Variants in AKAP8L observed in about 807,000 individuals in gnomAD.
The protein encoded by AKAP8L is A-kinase anchoring protein 8 like.
In AKAP8L, 34 loss-of-function variants were observed where a neutral mutation model predicts 77.5. That is an observed-to-expected ratio of 0.44 (90% CI 0.33 to 0.58). The LOEUF (loss-of-function observed/expected upper bound fraction) is 0.58. Among genes scored for constraint, AKAP8L ranks in the 20% least tolerant of loss-of-function variants. AKAP8L has a pLI of 0.02. For synonymous variants in AKAP8L, 342 were observed against 340.7 expected (o/e 1.00, Z -0.04); for missense variants, 806 against 887.6 (o/e 0.91, Z 1.17).
At position 15,395,983 on chromosome 19, in the gene AKAP8L, CAAAAA is replaced by C. The variant is rs751904092; in HGVS notation, c.1536+1162_1536+1166del. Among the ~76,000 whole-genome samples the C allele has an allele frequency of 2.2e-3, 90 of 40,510 alleles. 2 individuals are homozygous for C. The South Asian group carries it at 0.059, about 27-fold the overall frequency. 26.6% of individuals were successfully genotyped at this position (40,510 alleles called of 152,430 possible). On this transcript the variant is annotated intron_variant, in intron 12 of 13. Transcript: ENST00000397410. The stretch of plus-strand genomic sequence containing the variant: ...TGGGCGACAGAGCGAGACTCCGTCT[CAAAAA>C]AAAAAAAAAAAAAAGAATCTGTTTT...
chr19:15,393,351 A>G (rs1184550622), intron 12 of AKAP8L, among the ~76,000 whole-genome samples: 1 of 152,322 alleles, frequency 6.6e-6, no homozygotes, highest in African/African-American at 2.4e-5. Flanking sequence ...AAAAATTAAA[A>G]CTATTGTGCT....
chr19:15,391,399 A>G (rs1282148066), intron 12 of AKAP8L, among the ~76,000 whole-genome samples: 3 of 115,712 alleles, frequency 2.6e-5, no homozygotes, highest in African/African-American at 9.8e-5. Flanking sequence ...TGGAGGTTGC[A>G]GTGAGCCGAG....
chr19:15,398,017 T>A lies in AKAP8L; in HGVS notation c.1158-162A>T. ...AGGCTGGGACCAGTGGGGTCGGGAGTAGAAAGGGCCAGAAAGTCTGCAGGC... is the reference window on the plus strand; with the variant it reads ...AGGCTGGGACCAGTGGGGTCGGGAGAAGAAAGGGCCAGAAAGTCTGCAGGC... On this transcript the variant is annotated intron_variant, in intron 9 of 13. Transcript: ENST00000397410. This position sits in a 1 kb window ranked among gnomAD's most constrained non-coding sequence, Gnocchi z 9.2. The A allele has an allele frequency of 1.2e-6, 1 of 814,772 alleles. No individual in the cohort carries two copies. Among genetic ancestry groups the A allele is most frequent in the African/African-American group, 1.8e-5 (1 of 57,080 alleles). The allele number at this position is 814,772 out of a possible 1,614,324, so 50.5% of individuals were successfully genotyped here. A position where few individuals can be genotyped will look rare whatever the true frequency, so the allele number is the denominator to read the frequency against.
Position 15,397,045 on chromosome 19 carries a change from C to A in AKAP8L, c.1536+105G>T. 6.7e-7 allele frequency: 1 copy of A among 1,499,532 alleles called. No individual in the cohort carries two copies. 92.9% of individuals were successfully genotyped at this position (1,499,532 alleles called of 1,614,324 possible). A position where few individuals can be genotyped will look rare whatever the true frequency, so the allele number is the denominator to read the frequency against. On this transcript the variant is annotated intron_variant, in intron 12 of 13. Coordinates refer to ENST00000397410, the MANE Select transcript of AKAP8L (RefSeq NM_014371.4). This position sits in a 1 kb window ranked among gnomAD's most constrained non-coding sequence, Gnocchi z 4.7. ...GTCCATATCCACCTCCTCCTGCCTC[C>A]ACTGCAGTCCCTCACGGGCTGGCAG...
In AKAP8L at chr19:15,399,994, C is replaced by T. The variant is rs1387193954; in HGVS notation, c.1048+301G>A. On this transcript the variant is annotated intron_variant, in intron 8 of 13. Coordinates refer to ENST00000397410, the MANE Select transcript of AKAP8L (RefSeq NM_014371.4). The surrounding 1 kb of genome is among the most constrained non-coding windows in gnomAD (Gnocchi z 6.1). ...TTGGAACTGCGCGTTACTGAGGGAC[C>T]GAGGGCAGGGGGCGTGCCTGGGGTT... 2 of 505,940 alleles carry T rather than the reference C, an allele frequency of 4.0e-6. No homozygotes were observed. Among genetic ancestry groups the T allele is most frequent in the South Asian group, 2.4e-5 (1 of 41,384 alleles). 31.3% of individuals were successfully genotyped at this position (505,940 alleles called of 1,614,324 possible).
chr19:15,380,521 A>G lies in AKAP8L; in HGVS notation c.1628T>C (p.Leu543Pro), dbSNP rs1183842500. ...AGGCCCGGACCAGTGCCTCACCTTC[A>G]GGTAGCGCTCCAGCTTCTTGCTGAT... ...KLISKKLERY[L>P]KGENPFTDSP... Residue 543 changes from leucine (L) to proline (P), a missense_variant, in exon 13 of 14, where the codon CTG becomes CCG. By Grantham distance (98) the Leu-to-Pro change is moderately conservative. This residue lies in a region of AKAP8L where 226 missense variants were observed against 193.5 expected (regional missense o/e 1.17). Coordinates refer to ENST00000397410, the MANE Select transcript of AKAP8L (RefSeq NM_014371.4). 1 of 1,613,890 alleles carries G rather than the reference A, an allele frequency of 6.2e-7. No homozygotes were observed. The highest frequency in any genetic ancestry group is 1.1e-5 in the South Asian group (1 of 91,074).
rs149593511 is a variant in AKAP8L, at chr19:15,397,647, A to G, written c.1300-22T>C. The G allele has an allele frequency of 9.8e-3, 15,755 of 1,613,774 alleles. 101 individuals carry two copies. Among genetic ancestry groups the G allele is most frequent in the Middle Eastern group, 0.016 (95 of 6,058 alleles). Reference sequence around the variant, plus strand: ...ACTCCTGCAAGGAATATAAAGGTTCATGTGGGCCGCCTTATGTTCTCAGGG... The same window carrying G: ...ACTCCTGCAAGGAATATAAAGGTTCGTGTGGGCCGCCTTATGTTCTCAGGG... On this transcript the variant is annotated intron_variant, in intron 10 of 13. Transcript: ENST00000397410. The surrounding 1 kb of genome is among the most constrained non-coding windows in gnomAD (Gnocchi z 4.7).
chr19:15,397,656 G>T lies in AKAP8L; in HGVS notation c.1300-31C>A. ...AGGAATATAAAGGTTCATGTGGGCCGCCTTATGTTCTCAGGGGTCCAAGAA... is the reference window on the plus strand; with the variant it reads ...AGGAATATAAAGGTTCATGTGGGCCTCCTTATGTTCTCAGGGGTCCAAGAA... On this transcript the variant is annotated intron_variant, in intron 10 of 13. Transcript: ENST00000397410. This position sits in a 1 kb window ranked among gnomAD's most constrained non-coding sequence, Gnocchi z 4.7. 1 of 1,613,834 alleles carries T rather than the reference G, an allele frequency of 6.2e-7. No homozygotes were observed. Among genetic ancestry groups the T allele is most frequent in the Middle Eastern group, 1.7e-4 (1 of 6,048 alleles).
Position 15,385,326 on chromosome 19 carries a change from C to T in AKAP8L, c.1537-4714G>A, listed in dbSNP as rs190731821. The stretch of plus-strand genomic sequence containing the variant: ...CCTCCCGAGTAGCTGGGACTACAGG[C>T]GCCCGCCACCACGTCTGGCTAATTT... On this transcript the variant is annotated intron_variant, in intron 12 of 13. Transcript: ENST00000397410. 4.6e-4 allele frequency among the ~76,000 whole-genome samples: 69 copies of T among 151,432 alleles called. 1 individual carries two copies. In the East Asian group the frequency reaches 0.012, roughly 27 times the overall value.
At chr19:15,395,787 A>G (rs1461453548) in intron 12 of AKAP8L, among the ~76,000 whole-genome samples, 1 of 144,250 alleles carries the variant, frequency 6.9e-6, no homozygotes, top group East Asian at 2.1e-4. Context: ...GATCGAGACC[A>G]TCCTGGCTAA....
intron 12 of AKAP8L, among the ~76,000 whole-genome samples, chr19:15,392,887 ACT>A (rs1182626611): frequency 1.3e-5 from 2 of 150,826 alleles, no homozygotes; most frequent in Admixed American, 6.6e-5. Context: ...CAAGAGCAAA[ACT>A]CTGTCTCAAA....
Position 15,383,832 on chromosome 19 carries a change from A to G in AKAP8L, c.1537-3220T>C, listed in dbSNP as rs780688372. On this transcript the variant is annotated intron_variant, in intron 12 of 13. Transcript: ENST00000397410. ...ATTTTTGACTAGAAATGTGCTGTCT[A>G]TATTAATTTGGAGAGAACTGGTTTT... The G allele has an allele frequency of 2.6e-5, 4 of 151,958 alleles. No homozygotes were observed. The East Asian group carries it at 5.8e-4, about 22-fold the overall frequency. The allele number at this position is 151,958 out of a possible 1,614,324, so 9.4% of individuals were successfully genotyped here. A position where few individuals can be genotyped will look rare whatever the true frequency, so the allele number is the denominator to read the frequency against.
rs1331836091 is a variant in AKAP8L, at chr19:15,380,248, C to CGGCGGT, written c.1809_1814dup (p.Pro607_Pro608dup). The CGGCGGT allele has an allele frequency of 9.4e-6, 14 of 1,497,038 alleles. No homozygotes were observed. Among genetic ancestry groups the CGGCGGT allele is most frequent in the Non-Finnish European group, 1.2e-5 (14 of 1,133,690 alleles). The allele number at this position is 1,497,038 out of a possible 1,614,324, so 92.7% of individuals were successfully genotyped here. A position where few individuals can be genotyped will look rare whatever the true frequency, so the allele number is the denominator to read the frequency against. ...CCTCCTCCTCCTCCTCTGGGGGCGG[C>CGGCGGT]GGCGGTGGCGGCGACACGGCCCCGG... On this transcript the variant is annotated inframe_insertion, in exon 14 of 14. Transcript: ENST00000397410.
chr19:15,405,030 A>G (rs913830704), intron 2 of AKAP8L, among the ~76,000 whole-genome samples: 3 of 152,248 alleles, frequency 2.0e-5, no homozygotes, highest in Non-Finnish European at 4.4e-5. Flanking sequence ...TGGAGAAACC[A>G]AAACAGGCTT....
intron 12 of AKAP8L, among the ~76,000 whole-genome samples, chr19:15,384,588 A>G (rs1967489501): frequency 6.6e-6 from 1 of 152,312 alleles, no homozygotes; most frequent in Admixed American, 6.5e-5. Context: ...GGCATGAGCC[A>G]CCATGCCTGG....
intron 2 of AKAP8L, among the ~76,000 whole-genome samples, chr19:15,410,235 G>A (rs981170409): frequency 6.6e-6 from 1 of 152,114 alleles, no homozygotes; most frequent in Non-Finnish European, 1.5e-5. Context: ...GAGCCACCGC[G>A]CCTGGCCTCC....
At chr19:15,415,664 A>G (rs1406107619) in intron 1 of AKAP8L, among the ~76,000 whole-genome samples, 3 of 152,026 alleles carry the variant, frequency 2.0e-5, no homozygotes, top group Non-Finnish European at 2.9e-5. Flanking sequence ...GGGAGGGCGG[A>G]TCACAAGGTC....
At position 15,397,149 on chromosome 19, in the gene AKAP8L, C is replaced by T; in HGVS notation, c.1536+1G>A. On this transcript the variant is annotated splice_donor_variant, in intron 12 of 13. Transcript: ENST00000397410. LOFTEE classifies it high-confidence loss of function. The surrounding 1 kb of genome is among the most constrained non-coding windows in gnomAD (Gnocchi z 4.7). ...AGAGGGAGAGCACTGTGGCCACTCA[C>T]CCTGCGGTTCCGGTTGTGATCCATG... 6.2e-7 allele frequency: 1 copy of T among 1,613,702 alleles called. No individual in the cohort carries two copies. Among genetic ancestry groups the T allele is most frequent in the Non-Finnish European group, 8.5e-7 (1 of 1,179,866 alleles).
intron 7 of AKAP8L, 135 bp from the exon 8 acceptor site, chr19:15,400,493 A>G: frequency 1.1e-6 from 1 of 929,084 alleles, no homozygotes; most frequent in Non-Finnish European, 1.6e-6. Flanking sequence ...TCCTATAGGC[A>G]GGGTGGCCCA....
Sources: gnomAD v4.1 joint callset for allele counts (sites outside exome capture counted in the v4.1 genomes callset) on GRCh38, gnomAD v4.1.1 for gene constraint, gnomAD v4.1.1 regional missense constraint, Gnocchi (gnomAD v3.1) non-coding constraint, MANE v1.5 for transcripts, NCBI Gene and HGNC (gene_info 2026-07-23, HGNC 2026-07-21) for gene names.